The following LAMA2 variants were observed in gnomAD, a reference collection of about 807,000 sequenced individuals.
The protein encoded by LAMA2 is laminin subunit alpha-2.
In LAMA2, 269 loss-of-function variants were observed where a neutral mutation model predicts 364.8. The ratio of observed to expected loss-of-function variants is 0.74; its 90% confidence interval spans 0.67 to 0.82. The LOEUF (loss-of-function observed/expected upper bound fraction) is 0.82. Ranked by LOEUF, LAMA2 falls within the 40% of genes least tolerant of loss-of-function variation. The pLI is 0.00. For missense variants in LAMA2, 3,807 were observed against 3,873.2 expected (o/e 0.98, Z 0.45); for synonymous variants, 1,379 against 1,370.6 (o/e 1.01, Z -0.14).
At chr6:129,466,927 G>T (rs1047558674) in intron 51 of LAMA2, among the ~76,000 whole-genome samples, 1 of 151,774 alleles carries the variant, frequency 6.6e-6, no homozygotes, top group African/African-American at 2.4e-5. Flanking sequence ...CATAAGACTT[G>T]TGCTTTAGTA....
intron 12 of LAMA2, among the ~76,000 whole-genome samples, chr6:129,211,771 C>T (rs938832717): frequency 6.6e-6 from 1 of 152,190 alleles, no homozygotes; most frequent in Non-Finnish European, 1.5e-5. Context: ...CTTCTCTGCA[C>T]AATTCCCATG....
At chr6:129,267,804 AC>A (rs1238211936) in intron 16 of LAMA2, among the ~76,000 whole-genome samples, 1 of 152,174 alleles carries the variant, frequency 6.6e-6, no homozygotes, top group African/African-American at 2.4e-5. Flanking sequence ...AATAGGCTTT[AC>A]AAAGTGCAAA....
intron 2 of LAMA2, among the ~76,000 whole-genome samples, chr6:129,055,384 G>A (rs773157269): frequency 4.0e-5 from 6 of 151,784 alleles, no homozygotes; most frequent in Non-Finnish European, 5.9e-5. Context: ...AGTAGAGATG[G>A]AGTTTCACCG....
intron 63 of LAMA2, 101 bp from the exon 64 acceptor site, chr6:129,514,272 G>A (rs1180313639): frequency 1.1e-6 from 1 of 883,718 alleles, no homozygotes. Context: ...AAATGATTCT[G>A]GCTGATGTCT....
In LAMA2 at chr6:129,298,010, T is replaced by C. The variant is rs1773302614; in HGVS notation, c.3037+145T>C. 2.0e-5 allele frequency: 15 copies of C among 751,666 alleles called. 1 individual carries two copies. In the South Asian group the frequency reaches 2.4e-4, roughly 12 times the overall value. 46.6% of individuals were successfully genotyped at this position (751,666 alleles called of 1,614,324 possible). On this transcript the variant is annotated intron_variant, in intron 21 of 64. Transcript: ENST00000421865. ...TAATGTCTACTTATTTTTACGTTAC[T>C]TAAAAAATGAAATACATGTCAGTTT...
intron 10 of LAMA2, among the ~76,000 whole-genome samples, chr6:129,179,281 G>A (rs1237423971): frequency 6.6e-6 from 1 of 151,806 alleles, no homozygotes; most frequent in Non-Finnish European, 1.5e-5. Flanking sequence ...TTTACCACTT[G>A]CTCAAATAAA....
In LAMA2 at chr6:129,250,122, T is replaced by C; in HGVS notation, c.1793T>C (p.Val598Ala). The C allele has an allele frequency of 6.3e-7, 1 of 1,598,306 alleles. No homozygotes were observed. The highest frequency in any genetic ancestry group is 8.6e-7 in the Non-Finnish European group (1 of 1,165,952). The stretch of plus-strand genomic sequence containing the variant: ...TCTTCTGTCTTGTAGCTCCCAGCAG[T>C]AGGAGGACAGTTGACATTTACCATA... ...APYLGNKLPA[V>A]GGQLTFTISY... The change falls in exon 13 of 65, where the codon GTA becomes GCA. Residue 598 changes from valine to alanine, a missense_variant. Around this residue, in one of 3 missense-constraint regions of LAMA2, gnomAD observed 3,333 missense variants for 3,345.7 expected, o/e 1.00. Coordinates refer to ENST00000421865, the MANE Select transcript of LAMA2 (RefSeq NM_000426.4).
intron 30 of LAMA2, 31 bp downstream of exon 30, chr6:129,342,498 A>C: frequency 6.2e-7 from 1 of 1,607,834 alleles, no homozygotes; most frequent in South Asian, 1.1e-5. Context: ...CATATTTCCC[A>C]ATCAGAAACG....
At chr6:129,308,989 C>A (rs1260943022) in intron 22 of LAMA2, among the ~76,000 whole-genome samples, 1 of 152,200 alleles carries the variant, frequency 6.6e-6, no homozygotes, top group South Asian at 2.1e-4. Flanking sequence ...ACCTCCAACA[C>A]TGGGGATTAT....
At chr6:128,911,358 C>A (rs553260965) in intron 1 of LAMA2, among the ~76,000 whole-genome samples, 2 of 152,094 alleles carry the variant, frequency 1.3e-5, no homozygotes, top group Non-Finnish European at 2.9e-5. Context: ...TTTTTAAGCC[C>A]GTCGGAAAGG....
intron 1 of LAMA2, among the ~76,000 whole-genome samples, chr6:128,984,417 A>G (rs1783087481): frequency 6.6e-6 from 1 of 152,206 alleles, no homozygotes; most frequent in Admixed American, 6.5e-5. Flanking sequence ...ATGTACTTAA[A>G]TAGGAAGATC....
intron 3 of LAMA2, among the ~76,000 whole-genome samples, chr6:129,066,302 C>T (rs1037886958): frequency 1.6e-4 from 24 of 151,668 alleles, no homozygotes; most frequent in Non-Finnish European, 1.9e-4. Flanking sequence ...GCCTCGGCCT[C>T]CCAAAGTGCT....
intron 1 of LAMA2, among the ~76,000 whole-genome samples, chr6:128,970,735 AT>A (rs1175896804): frequency 6.6e-6 from 1 of 152,174 alleles, no homozygotes; most frequent in Admixed American, 6.5e-5. Context: ...GTGTTTTATG[AT>A]TTGTGATAGA....
intron 12 of LAMA2, among the ~76,000 whole-genome samples, chr6:129,217,097 G>A (rs1294838465): frequency 6.6e-6 from 1 of 151,970 alleles, no homozygotes; most frequent in East Asian, 1.9e-4. Flanking sequence ...GCTGAGGCAG[G>A]AGAATCGCTT....
chr6:129,287,731 A>C (rs1789377726), intron 18 of LAMA2, 116 bp from the exon 19 acceptor site: 1 of 897,262 alleles, frequency 1.1e-6, no homozygotes. Flanking sequence ...GTTTGAGAAA[A>C]GGAACACTTA....
chr6:129,082,990 T>C (rs144113980), intron 3 of LAMA2, among the ~76,000 whole-genome samples: 184 of 152,168 alleles, frequency 1.2e-3, no homozygotes, highest in African/African-American at 4.3e-3. Context: ...TATAAAGTTT[T>C]CAATATAGAT....
chr6:129,230,815 G>A (rs1455813552), intron 12 of LAMA2, among the ~76,000 whole-genome samples: 1 of 152,060 alleles, frequency 6.6e-6, no homozygotes, highest in East Asian at 1.9e-4. Flanking sequence ...AGTAAAACTA[G>A]AGATTAAAAT....
At chr6:129,267,274 A>G in intron 16 of LAMA2, 55 bp downstream of exon 16, 5 of 1,154,168 alleles carry the variant, frequency 4.3e-6, no homozygotes, top group Non-Finnish European at 6.6e-6. Flanking sequence ...TCACCTCGAC[A>G]GATGCTACAA....
intron 18 of LAMA2, among the ~76,000 whole-genome samples, chr6:129,281,400 T>A (rs1172596108): frequency 1.3e-5 from 2 of 152,178 alleles, no homozygotes; most frequent in Non-Finnish European, 2.9e-5. Flanking sequence ...AATCCACTTA[T>A]CTAGGTGAGC....
Sources: allele counts gnomAD v4.1 joint callset (sites outside exome capture counted in the v4.1 genomes callset), GRCh38; gene constraint gnomAD v4.1.1; regional missense constraint gnomAD v4.1.1; transcripts MANE v1.5; gene names NCBI Gene and HGNC (gene_info 2026-07-23, HGNC 2026-07-21).